NOD1: variants seen among roughly 807,000 people sequenced by gnomAD.
The protein encoded by NOD1 is nucleotide-binding oligomerization domain-containing protein 1.
Under a neutral mutation model 81.2 loss-of-function variants are expected in NOD1, and 70 were observed. The ratio of observed to expected loss-of-function variants is 0.86; its 90% CI spans 0.71 to 1.05. The LOEUF is 1.05. Among genes scored for constraint, NOD1 ranks in the 50% least tolerant of loss-of-function variants. The pLI is 0.00. For synonymous variants in NOD1, 508 were observed against 526.9 expected (o/e 0.96, Z 0.49); for missense variants, 1,233 against 1,228.0 (o/e 1.00, Z -0.06).
chr7:30,447,382 G>A (rs758284084), intron 7 of NOD1: 5 of 327,414 alleles, frequency 1.5e-5, no homozygotes, highest in Admixed American at 4.6e-5. Context: ...ATGAGTGCTC[G>A]GTGACTGGCA....
chr7:30,453,981 G>C (rs1786074207), intron 5 of NOD1, among the ~76,000 whole-genome samples: 1 of 152,246 alleles, frequency 6.6e-6, no homozygotes, highest in African/African-American at 2.4e-5. Flanking sequence ...AACCAACAGA[G>C]AAGTCTTTCG....
chr7:30,440,791 A>G (rs1281925917), intron 9 of NOD1, among the ~76,000 whole-genome samples: 1 of 5,702 alleles, frequency 1.8e-4, no homozygotes, highest in Non-Finnish European at 3.0e-4. Flanking sequence ...AGCAACTCCA[A>G]GACACATAAT....
At chr7:30,454,063 A>G (rs936083577) in intron 5 of NOD1, among the ~76,000 whole-genome samples, 7 of 152,134 alleles carry the variant, frequency 4.6e-5, no homozygotes, top group African/African-American at 1.7e-4. Context: ...GACAGGAAGG[A>G]GCAGACAGAG....
At chr7:30,461,048 T>C (rs1263019042) in intron 1 of NOD1, among the ~76,000 whole-genome samples, 1 of 152,246 alleles carries the variant, frequency 6.6e-6, no homozygotes, top group Non-Finnish European at 1.5e-5. Context: ...ACAGCTTTCC[T>C]AGTAATTTAA....
rs1783744514 is a variant in NOD1, at chr7:30,429,373, C to A, written c.2789+1G>T. ...TACTGTGACAAACGCTGGGATCTTA[C>A]CAAATCTCTGTTATGCCAGTGTTGC... On this transcript the variant is annotated splice_donor_variant, in intron 13 of 13. Transcript: ENST00000222823. LOFTEE classifies it high-confidence loss of function. 2 of 1,613,278 alleles carry A rather than the reference C, an allele frequency of 1.2e-6. No homozygotes were observed. Among genetic ancestry groups the A allele is most frequent in the Non-Finnish European group, 1.7e-6 (2 of 1,179,144 alleles).
intron 13 of NOD1, among the ~76,000 whole-genome samples, chr7:30,426,623 T>C (rs527689298): frequency 6.6e-6 from 1 of 152,272 alleles, no homozygotes; most frequent in African/African-American, 2.4e-5. Flanking sequence ...TGCTTCAAAC[T>C]GTTCACTGAC....
intron 7 of NOD1, 66 bp downstream of exon 7, chr7:30,448,232 T>A (rs1785315394): frequency 7.6e-7 from 1 of 1,307,332 alleles, no homozygotes; most frequent in Non-Finnish European, 1.1e-6. Context: ...CCTATGGGAA[T>A]GTGAATTCCC....
intron 1 of NOD1, among the ~76,000 whole-genome samples, chr7:30,477,621 TCTC>T (rs1262593153): frequency 6.6e-6 from 1 of 152,026 alleles, no homozygotes; most frequent in Non-Finnish European, 1.5e-5. Flanking sequence ...TTCAAGCAAT[TCTC>T]CTGCTTCAGC....
intron 1 of NOD1, among the ~76,000 whole-genome samples, chr7:30,476,199 CCTTTT>C (rs1788762779): frequency 6.6e-6 from 1 of 152,190 alleles, no homozygotes; most frequent in South Asian, 2.1e-4. Flanking sequence ...AATATTGAAT[CCTTTT>C]CTTTGAATAA....
chr7:30,468,800 A>C (rs1205828212), intron 1 of NOD1: 4 of 983,240 alleles, frequency 4.1e-6, no homozygotes, highest in Non-Finnish European at 4.8e-6. Flanking sequence ...CTTGAATATG[A>C]TTCATTTTGG....
In NOD1 at chr7:30,452,792, A is replaced by G. The variant is rs556071212; in HGVS notation, c.625T>C (p.Ser209Pro). Reference protein sequence around the residue: ...FILGDAGVGKSMLLQRLQSLW... With the variant: ...FILGDAGVGKPMLLQRLQSLW... ...CTCTGCAGCCGCTGTAGCAGCATGGACTTGCCCACCCCAGCATCACCCAGG... is the reference window on the plus strand; with the variant it reads ...CTCTGCAGCCGCTGTAGCAGCATGGGCTTGCCCACCCCAGCATCACCCAGG... Residue 209 changes from serine to proline, a missense_variant, in exon 6 of 14, where the codon TCC becomes CCC. Transcript: ENST00000222823. 1 of 1,614,140 alleles carries G rather than the reference A, an allele frequency of 6.2e-7. No homozygotes were observed. The highest frequency in any genetic ancestry group is 2.2e-5 in the East Asian group (1 of 44,888).
chr7:30,452,736 C>G lies in NOD1; in HGVS notation c.681G>C (p.Gly227=). 6.2e-7 allele frequency: 1 copy of G among 1,613,996 alleles called. No homozygotes were observed. Among genetic ancestry groups the G allele is most frequent in the Non-Finnish European group, 8.5e-7 (1 of 1,180,036 alleles). The part of the protein sequence containing the change: ...SLWATGRLDA[G]VKFFFHFRCR... Reference sequence around the variant, plus strand: ...AGCGAAAGTGGAAGAAGAATTTGACCCCTGCGTCTAGCCGGCCCGTGGCCC... The same window carrying G: ...AGCGAAAGTGGAAGAAGAATTTGACGCCTGCGTCTAGCCGGCCCGTGGCCC... The change falls in exon 6 of 14, where the codon GGG becomes GGC. Residue 227 remains glycine, a synonymous_variant. Coordinates refer to ENST00000222823, the MANE Select transcript of NOD1 (RefSeq NM_006092.4).
Position 30,452,284 on chromosome 7 carries a change from A to G in NOD1, c.1133T>C (p.Leu378Pro). 6.2e-7 allele frequency: 1 copy of G among 1,613,408 alleles called. No individual in the cohort carries two copies. Among genetic ancestry groups the G allele is most frequent in the Non-Finnish European group, 8.5e-7 (1 of 1,179,816 alleles). ...GCTGCAGAGGTTGGGGTTGGCCTCC[A>G]GCTGGCTCAGCAGGCGGTCCTGCAG... ...RALQDRLLSQ[L>P]EANPNLCSLC... Residue 378 changes from leucine to proline, a missense_variant, in exon 6 of 14, where the codon CTG becomes CCG. By Grantham distance (98) the Leu-to-Pro change is moderately conservative. Transcript: ENST00000222823.
rs1205366381 is a variant in NOD1 at position 30,433,355 on chromosome 7, A to G, written c.2622-176T>C. Reference sequence around the variant, plus strand: ...AGCCTGTCAGCCCCACAGAAGGTCAATGGGACTCATTTTTAATGCAAATCC... The same window carrying G: ...AGCCTGTCAGCCCCACAGAAGGTCAGTGGGACTCATTTTTAATGCAAATCC... On this transcript the variant is annotated intron_variant, in intron 11 of 13. Transcript: ENST00000222823. 5.1e-6 allele frequency: 3 copies of G among 584,934 alleles called. No homozygotes were observed. The Admixed American group carries it at 9.7e-5, about 19-fold the overall frequency. 36.2% of individuals were successfully genotyped at this position (584,934 alleles called of 1,614,324 possible).
Position 30,451,425 on chromosome 7 carries a change from G to T in NOD1, c.1992C>A (p.Ser664Arg). The change falls in exon 6 of 14, where the codon AGC becomes AGA. Residue 664 changes from serine to arginine, a missense_variant. Coordinates refer to ENST00000222823, the MANE Select transcript of NOD1 (RefSeq NM_006092.4). This position sits in a 1 kb window ranked among gnomAD's most constrained non-coding sequence, Gnocchi z 4.2. ...TGGCCGCCAGCTGCCCCACCTTCTGGCTCTGTGTCTCGTAGATGCAGCGCA... is the reference window on the plus strand; with the variant it reads ...TGGCCGCCAGCTGCCCCACCTTCTGTCTCTGTGTCTCGTAGATGCAGCGCA... Reference protein sequence around the residue: ...WMLRCIYETQSQKVGQLAARG... With the variant: ...WMLRCIYETQRQKVGQLAARG... 1.2e-6 allele frequency: 2 copies of T among 1,613,862 alleles called. No individual in the cohort carries two copies. The highest frequency in any genetic ancestry group is 1.7e-6 in the Non-Finnish European group (2 of 1,180,026).
At chr7:30,448,277 G>A (rs372998851) in intron 7 of NOD1, 21 bp downstream of exon 7, 7 of 1,584,832 alleles carry the variant, frequency 4.4e-6, no homozygotes, top group Non-Finnish European at 5.2e-6. Flanking sequence ...AGTTGGCCCA[G>A]TGTTCTGGAG....
chr7:30,437,641 T>C lies in NOD1; in HGVS notation c.2469A>G (p.Gln823=). The part of the protein sequence containing the change: ...SISEVGMWGN[Q]VGDEGAKAFA... ...AGGCTTTTGCTCCTTCATCCCCAAC[T>C]TGATTGCCCCACATCCTGAGGGAGG... The change falls in exon 10 of 14, where the codon CAA becomes CAG. Residue 823 remains glutamine, a synonymous_variant. Transcript: ENST00000222823. 2 of 1,513,306 alleles carry C rather than the reference T, an allele frequency of 1.3e-6. No homozygotes were observed. Among genetic ancestry groups the C allele is most frequent in the Non-Finnish European group, 1.8e-6 (2 of 1,142,624 alleles). The allele number at this position is 1,513,306 out of a possible 1,614,324, so 93.7% of individuals were successfully genotyped here.
At chr7:30,429,779 C>A (rs754927593) in intron 12 of NOD1, among the ~76,000 whole-genome samples, 60 of 152,158 alleles carry the variant, frequency 3.9e-4, no homozygotes, top group Non-Finnish European at 1.2e-4. Flanking sequence ...CACCTGTAAT[C>A]CCAGCACTTT....
chr7:30,437,502 C>A, intron 10 of NOD1, 71 bp downstream of exon 10: 1 of 990,738 alleles, frequency 1.0e-6, no homozygotes. Context: ...CACGAATCAC[C>A]CTTCCCCAGC....
Sources: allele counts gnomAD v4.1 joint callset (sites outside exome capture counted in the v4.1 genomes callset), GRCh38; gene constraint gnomAD v4.1.1; non-coding constraint Gnocchi (gnomAD v3.1); transcripts MANE v1.5; gene names NCBI Gene and HGNC (gene_info 2026-07-23, HGNC 2026-07-21).